DNAH7: variants seen among roughly 807,000 people sequenced by gnomAD.
DNAH7 encodes axonemal beta dynein heavy chain 7.
A neutral mutation model predicts 444.6 loss-of-function variants in DNAH7; 397 were observed. That is an observed-to-expected ratio of 0.89 (90% confidence interval 0.82 to 0.97). The LOEUF (loss-of-function observed/expected upper bound fraction) is 0.97, where lower values mean the gene tolerates loss of function less well. DNAH7 is among the 50% of genes least tolerant of loss of function. The probability of loss-of-function intolerance (pLI) is 0.00; values close to 1 mark genes in which losing one functional copy is unlikely to be tolerated. For synonymous variants in DNAH7, 1,636 were observed against 1,624.4 expected (o/e 1.01, Z -0.17); for missense variants, 4,902 against 4,800.8 (o/e 1.02, Z -0.62).
At chr2:195,798,089 T>C (rs1696248780) in intron 55 of DNAH7, among the ~76,000 whole-genome samples, 2 of 152,244 alleles carry the variant, frequency 1.3e-5, no homozygotes, top group African/African-American at 4.8e-5. Flanking sequence ...CAGCCAGTCC[T>C]TTTTATTTCC....
In DNAH7 at chr2:195,881,782, C is replaced by T; in HGVS notation, c.5961+13G>A. ...TATGCACAGTTTAATACGCAGATTT[C>T]TGCAGTACTTACCGTAATGTAAACA... On this transcript the variant is annotated intron_variant, in intron 36 of 64. Coordinates refer to ENST00000312428, the MANE Select transcript of DNAH7 (RefSeq NM_018897.3). The T allele has an allele frequency of 6.2e-7, 1 of 1,609,960 alleles. No individual in the cohort carries two copies. Among genetic ancestry groups the T allele is most frequent in the South Asian group, 1.1e-5 (1 of 90,934 alleles).
chr2:195,787,291 C>T lies in DNAH7; in HGVS notation c.10717-120G>A, dbSNP rs955953226. 27 of 1,040,196 alleles carry T rather than the reference C, an allele frequency of 2.6e-5. No homozygotes were observed. The Middle Eastern group carries it at 1.6e-3, about 61-fold the overall frequency. The allele number at this position is 1,040,196 out of a possible 1,614,324, so 64.4% of individuals were successfully genotyped here. ...ATAAATAGCATAGGGACATATTCAT[C>T]CCAAATTACAATTATAACAGAGTTA... is the stretch of plus-strand genomic sequence containing the variant. On this transcript the variant is annotated intron_variant, in intron 57 of 64. Transcript: ENST00000312428.
intron 4 of DNAH7, 90 bp from the exon 5 acceptor site, chr2:196,047,589 C>A: frequency 5.2e-6 from 6 of 1,147,280 alleles, no homozygotes; most frequent in Non-Finnish European, 7.0e-6. Flanking sequence ...GCTAAATCAC[C>A]TTTTAATAAA....
chr2:195,782,008 CACACACACAG>C (rs1319343532), intron 58 of DNAH7, among the ~76,000 whole-genome samples: 2 of 151,292 alleles, frequency 1.3e-5, no homozygotes, highest in African/African-American at 2.4e-5. Flanking sequence ...CACACACACA[CACACACACAG>C]ACACACCCCT....
At chr2:195,910,288 A>G (rs1291387259) in intron 24 of DNAH7, 93 bp from the exon 25 acceptor site, 1 of 1,003,710 alleles carries the variant, frequency 1.0e-6, no homozygotes, top group Non-Finnish European at 1.4e-6. Flanking sequence ...TTGAGAACCA[A>G]ACCTCCAGCT....
In DNAH7 at chr2:195,796,618, G is replaced by A. The variant is rs1016986013; in HGVS notation, c.10473C>T (p.His3491=). 9 of 1,614,032 alleles carry A rather than the reference G, an allele frequency of 5.6e-6. No homozygotes were observed. In the Admixed American group the frequency reaches 6.7e-5, roughly 12 times the overall value. ...GGGTTGGCATCCAAGAGGTGGCAAG[G>A]TGACAATTCTGAAGAACAACCCATG... The part of the protein sequence containing the change: ...EGTWVVLQNC[H]LATSWMPTLE... The change falls in exon 56 of 65, where the codon CAC becomes CAT. Residue 3491 remains histidine, a synonymous_variant. Transcript: ENST00000312428.
intron 40 of DNAH7, among the ~76,000 whole-genome samples, chr2:195,866,151 T>TA (rs1267881126): frequency 2.6e-5 from 4 of 152,188 alleles, no homozygotes; most frequent in African/African-American, 9.6e-5. Context: ...TCTTCACCTA[T>TA]AAAATAGAAG....
chr2:195,774,322 C>T (rs913331448), intron 60 of DNAH7, among the ~76,000 whole-genome samples: 2 of 152,212 alleles, frequency 1.3e-5, no homozygotes, highest in Non-Finnish European at 1.5e-5. Context: ...CAGGCAATAA[C>T]TGATTTTAGT....
At chr2:195,954,536 T>C (rs917743466) in intron 19 of DNAH7, among the ~76,000 whole-genome samples, 3 of 152,246 alleles carry the variant, frequency 2.0e-5, no homozygotes, top group Non-Finnish European at 2.9e-5. Context: ...CCTTTGGGTA[T>C]ATACCCAGTA....
chr2:195,999,297 T>A (rs749044108), intron 12 of DNAH7: 1 of 699,022 alleles, frequency 1.4e-6, no homozygotes, highest in South Asian at 1.5e-5. Flanking sequence ...ACCACAAGTC[T>A]ATTTTCACAC....
At chr2:195,754,763 T>C (rs540097401) in intron 62 of DNAH7, among the ~76,000 whole-genome samples, 2 of 152,288 alleles carry the variant, frequency 1.3e-5, no homozygotes, top group South Asian at 4.1e-4. Flanking sequence ...TATGCCTTCC[T>C]CAGCCTCCCA....
intron 17 of DNAH7, among the ~76,000 whole-genome samples, chr2:195,969,139 C>T (rs1691675765): frequency 6.6e-6 from 1 of 152,222 alleles, no homozygotes; most frequent in Non-Finnish European, 1.5e-5. Context: ...TTTCTGTGTG[C>T]AGATAATTGT....
intron 12 of DNAH7, among the ~76,000 whole-genome samples, chr2:195,993,842 G>T (rs991043340): frequency 2.0e-5 from 3 of 152,226 alleles, no homozygotes; most frequent in African/African-American, 7.2e-5. Flanking sequence ...AGATTGAAAT[G>T]CTATTAAGGA....
At chr2:195,885,412 A>C (rs571340756) in intron 34 of DNAH7, among the ~76,000 whole-genome samples, 1 of 152,324 alleles carries the variant, frequency 6.6e-6, no homozygotes, top group African/African-American at 2.4e-5. Context: ...TTAAGTACAA[A>C]GCCAAGAGAT....
At chr2:195,812,836 A>T (rs6761517) in intron 51 of DNAH7, among the ~76,000 whole-genome samples, 104,740 of 152,116 alleles carry the variant, frequency 0.69, 36,702 homozygotes, top group African/African-American at 0.74. Context: ...TTATTTGATG[A>T]CTATCAATGA....
At chr2:195,849,466 T>A (rs779218464) in intron 46 of DNAH7, among the ~76,000 whole-genome samples, 3 of 152,208 alleles carry the variant, frequency 2.0e-5, no homozygotes, top group Non-Finnish European at 4.4e-5. Flanking sequence ...TTAATAAATA[T>A]CATCTGGCTA....
chr2:195,906,830 A>G lies in DNAH7; in HGVS notation c.4208-44T>C. On this transcript the variant is annotated intron_variant, in intron 26 of 64. Coordinates refer to ENST00000312428, the MANE Select transcript of DNAH7 (RefSeq NM_018897.3). ...GAAATGACTTAGTAATACCACATAT[A>G]AACATGAGCTGTGCCATTCACTACC... The G allele has an allele frequency of 1.9e-6, 3 of 1,611,348 alleles. No individual in the cohort carries two copies. The East Asian group carries it at 6.7e-5, about 36-fold the overall frequency.
intron 59 of DNAH7, among the ~76,000 whole-genome samples, chr2:195,776,188 A>G (rs945325780): frequency 3.3e-5 from 5 of 152,170 alleles, no homozygotes; most frequent in Admixed American, 2.6e-4. Context: ...TCACGCCTGT[A>G]ATCCCAGCAC....
At chr2:196,039,643 GA>G (rs1012741249) in intron 5 of DNAH7, among the ~76,000 whole-genome samples, 3 of 151,672 alleles carry the variant, frequency 2.0e-5, no homozygotes, top group African/African-American at 7.3e-5. Context: ...GCTAAAAATA[GA>G]AAAAATTAGC....
Sources: gnomAD v4.1 joint callset for allele counts (sites outside exome capture counted in the v4.1 genomes callset) on GRCh38, gnomAD v4.1.1 for gene constraint, MANE v1.5 for transcripts, NCBI Gene and HGNC (gene_info 2026-07-23, HGNC 2026-07-21) for gene names.